The following ULK1 variants were observed in gnomAD, a reference collection of about 807,000 sequenced individuals.
ULK1 encodes the protein unc-51 like autophagy activating kinase 1, also known as serine/threonine-protein kinase ULK1.
Under a neutral mutation model 117.5 loss-of-function variants are expected in ULK1, and 48 were observed. The observed-to-expected ratio is 0.41, with a 90% confidence interval of 0.32 to 0.52. The LOEUF (loss-of-function observed/expected upper bound fraction) is 0.52, where lower values mean the gene tolerates loss of function less well. Among genes scored for constraint, ULK1 ranks in the 20% least tolerant of loss-of-function variants. The pLI is 0.29. For missense variants in ULK1, 1,387 were observed against 1,473.4 expected (o/e 0.94, Z 0.96); for synonymous variants, 790 against 637.8 (o/e 1.24, Z -3.60).
intron 3 of ULK1, among the ~76,000 whole-genome samples, chr12:131,906,103 T>G (rs550072857): frequency 1.3e-5 from 2 of 148,576 alleles, no homozygotes; most frequent in Non-Finnish European, 3.0e-5. Flanking sequence ...TGGCGTCTTC[T>G]TTTTTTTTGA....
chr12:131,920,327 T>A, intron 26 of ULK1, 191 bp downstream of exon 26: 1 of 692,772 alleles, frequency 1.4e-6, no homozygotes, highest in Non-Finnish European at 2.3e-6. Flanking sequence ...GGTGCATCCT[T>A]GATTGTACGG....
chr12:131,917,453 G>A lies in ULK1; in HGVS notation c.2225G>A (p.Arg742His), dbSNP rs538260523. 190 of 1,532,630 alleles carry A rather than the reference G, an allele frequency of 1.2e-4. 2 individuals are homozygous for A. Among genetic ancestry groups the A allele is most frequent in the South Asian group, 3.2e-4 (26 of 81,802 alleles). The allele number at this position is 1,532,630 out of a possible 1,614,324, so 94.9% of individuals were successfully genotyped here. The change falls in exon 22 of 28, where the codon CGT (arginine) becomes CAT (histidine). Residue 742 changes from arginine (R) to histidine (H), a missense_variant. By Grantham distance (29) the Arg-to-His change is conservative. Around this residue, in one of 4 missense-constraint regions of ULK1, gnomAD observed 900 missense variants for 858.9 expected, o/e 1.05. Coordinates refer to ENST00000321867, the MANE Select transcript of ULK1 (RefSeq NM_003565.4). Reference protein sequence around the residue: ...GFGGSLHPGARAGGTSSPSPV... With the variant: ...GFGGSLHPGAHAGGTSSPSPV... ...GGAGGGAGCCTGCACCCAGGAGCCC[G>A]TGCTGGGGGCACCAGCAGCCCTTCC...
At chr12:131,918,846 G>A (rs189651018) in intron 23 of ULK1, among the ~76,000 whole-genome samples, 165 bp downstream of exon 23, 175 of 21,412 alleles carry the variant, frequency 8.2e-3, no homozygotes, top group Middle Eastern at 0.12. Flanking sequence ...GTGGGGTGTC[G>A]GGTGTGTGGG....
In ULK1 at chr12:131,913,846, G is replaced by T. The variant is rs369547189; in HGVS notation, c.1247+10G>T. The T allele has an allele frequency of 1.3e-4, 199 of 1,507,370 alleles. No homozygotes were observed. Among genetic ancestry groups the T allele is most frequent in the Non-Finnish European group, 1.6e-4 (177 of 1,128,504 alleles). 93.4% of individuals were successfully genotyped at this position (1,507,370 alleles called of 1,614,324 possible). On this transcript the variant is annotated intron_variant, in intron 15 of 27. Coordinates refer to ENST00000321867, the MANE Select transcript of ULK1 (RefSeq NM_003565.4). ...CCCCCAGTCCCTCAGGGTAAGCAGG[G>T]CCCCAGGCTGGGTGGATGGGGCTGT...
At chr12:131,897,000 G>A (rs904960983) in intron 3 of ULK1, 29 of 152,510 alleles carry the variant, frequency 1.9e-4, no homozygotes, top group Non-Finnish European at 3.9e-4. Flanking sequence ...CTGTCCGCAC[G>A]ACCCCCGCAG....
intron 12 of ULK1, 52 bp from the exon 13 acceptor site, chr12:131,911,888 CCT>C (rs957450937): frequency 2.5e-6 from 4 of 1,611,850 alleles, no homozygotes; most frequent in African/African-American, 2.7e-5. Flanking sequence ...AATTTGCTCC[CCT>C]GAGTGTGTAG....
intron 25 of ULK1, 53 bp from the exon 26 acceptor site, chr12:131,919,926 A>C: frequency 1.3e-6 from 2 of 1,588,928 alleles, no homozygotes; most frequent in Non-Finnish European, 1.7e-6. Context: ...TGGCCACTCC[A>C]GCCCTGCCCC....
Position 131,918,666 on chromosome 12 carries a change from G to A in ULK1, c.2496G>A (p.Glu832=), listed in dbSNP as rs1289026643. The change falls in exon 23 of 28, where the codon GAG becomes GAA. Residue 832 remains glutamate, a synonymous_variant. Coordinates refer to ENST00000321867, the MANE Select transcript of ULK1 (RefSeq NM_003565.4). ...AVTFEAPDLP[E]ETLMEQEHTE... is the part of the protein sequence containing the mutation. ...CCTTCGAGGCCCCCGACCTCCCTGA[G>A]GAGACCCTCATGGAGGTGAGGGCTG... The A allele has an allele frequency of 1.2e-6, 2 of 1,605,018 alleles. No homozygotes were observed. Among genetic ancestry groups the A allele is most frequent in the Admixed American group, 3.4e-5 (2 of 59,022 alleles).
intron 8 of ULK1, 74 bp downstream of exon 8, chr12:131,909,311 C>T (rs923788245): frequency 2.1e-6 from 3 of 1,455,910 alleles, no homozygotes; most frequent in Non-Finnish European, 2.8e-6. Flanking sequence ...CAGACGCCCC[C>T]TGCGAGCCCT....
rs528728326 is a variant in ULK1 at position 131,895,188 on chromosome 12, C to T, written c.111+76C>T. 3.5e-6 allele frequency: 4 copies of T among 1,154,050 alleles called. No individual in the cohort carries two copies. In the East Asian group the frequency reaches 9.1e-5, roughly 26 times the overall value. 71.5% of individuals were successfully genotyped at this position (1,154,050 alleles called of 1,614,324 possible). On this transcript the variant is annotated intron_variant, in intron 1 of 27. Transcript: ENST00000321867. ...GCATCCCCGCCCCGAGATTCCCCGC[C>T]TGTCCCGGGACCCCCCCACGCCTCC... is the stretch of plus-strand genomic sequence containing the variant.
intron 3 of ULK1, among the ~76,000 whole-genome samples, chr12:131,898,523 C>T (rs1389566041): frequency 6.6e-6 from 1 of 151,686 alleles, no homozygotes; most frequent in Non-Finnish European, 1.5e-5. Flanking sequence ...TTTTTTGAGA[C>T]TGAGTTTTGC....
chr12:131,905,332 C>T (rs761812622), intron 3 of ULK1, among the ~76,000 whole-genome samples: 2 of 152,238 alleles, frequency 1.3e-5, no homozygotes, highest in South Asian at 2.1e-4. Flanking sequence ...CTGTCCCCCC[C>T]ACCAGGGGTG....
At chr12:131,895,538 T>G (rs1888831712) in intron 1 of ULK1, 63 bp from the exon 2 acceptor site, 3 of 1,399,632 alleles carry the variant, frequency 2.1e-6, no homozygotes, top group South Asian at 2.4e-5. Context: ...CTGTGTGGAC[T>G]GGGGTCTGGG....
intron 16 of ULK1, 66 bp downstream of exon 16, chr12:131,914,543 G>A (rs1728487164): frequency 6.4e-7 from 1 of 1,558,532 alleles, no homozygotes; most frequent in African/African-American, 1.4e-5. Flanking sequence ...CCCTTCCACG[G>A]CTCCCATAGA....
intron 27 of ULK1, 21 bp downstream of exon 27, chr12:131,921,256 G>C: frequency 6.2e-7 from 1 of 1,607,996 alleles, no homozygotes; most frequent in Non-Finnish European, 8.5e-7. Context: ...GGCTGGGCTG[G>C]GGGCTGGGGA....
intron 3 of ULK1, among the ~76,000 whole-genome samples, chr12:131,896,240 G>T (rs1888863786): frequency 6.6e-6 from 1 of 152,156 alleles, no homozygotes. Flanking sequence ...AGACGGGGCG[G>T]GGGAGGGGCC....
Position 131,902,329 on chromosome 12 carries a change from T to A in ULK1, c.247-4563T>A, listed in dbSNP as rs1203476919. ...CCAGCCCAGGATCACCAGACAAGAG[T>A]AGGGCTGGCAGAGGGTGGGAGCCTG... On this transcript the variant is annotated intron_variant, in intron 3 of 27. Transcript: ENST00000321867. The surrounding 1 kb of genome is among the most constrained non-coding windows in gnomAD (Gnocchi z 6.3). 6.6e-6 allele frequency among the ~76,000 whole-genome samples: 1 copy of A among 151,888 alleles called. No homozygotes were observed. The highest frequency in any genetic ancestry group is 2.4e-5 in the African/African-American group (1 of 41,304).
intron 3 of ULK1, among the ~76,000 whole-genome samples, chr12:131,901,527 G>A (rs1213499211): frequency 1.3e-5 from 2 of 152,152 alleles, no homozygotes; most frequent in Admixed American, 6.5e-5. Flanking sequence ...GTCCTCCTGT[G>A]TGCCCCCCTC....
intron 23 of ULK1, 22 bp from the exon 24 acceptor site, chr12:131,919,190 C>T (rs775441822): frequency 1.1e-5 from 18 of 1,580,524 alleles, no homozygotes; most frequent in South Asian, 3.4e-5. Context: ...GCACTTGCCG[C>T]CCTGACGGCC....
Sources: gnomAD v4.1 joint callset for allele counts (sites outside exome capture counted in the v4.1 genomes callset) on GRCh38, gnomAD v4.1.1 for gene constraint, gnomAD v4.1.1 regional missense constraint, Gnocchi (gnomAD v3.1) non-coding constraint, MANE v1.5 for transcripts, NCBI Gene and HGNC (gene_info 2026-07-23, HGNC 2026-07-21) for gene names.